The following NDUFA10 variants were observed in gnomAD, a reference collection of about 807,000 sequenced individuals.
NDUFA10 encodes the protein NADH:ubiquinone oxidoreductase subunit A10.
Under a neutral mutation model 47.8 loss-of-function variants are expected in NDUFA10, and 40 were observed. The observed-to-expected ratio is 0.84, with a 90% CI of 0.65 to 1.09. The LOEUF (loss-of-function observed/expected upper bound fraction) is 1.09. Ranked by LOEUF, NDUFA10 falls within the 50% of genes least tolerant of loss-of-function variation. The pLI is 0.00. For synonymous variants in NDUFA10, 183 were observed against 172.2 expected, an observed-to-expected ratio of 1.06 and a Z score of -0.49; for missense variants, 413 against 451.1, an observed-to-expected ratio of 0.92 and a Z score of 0.76.
At chr2:239,965,615 T>C (rs1210260507) in intron 9 of NDUFA10, among the ~76,000 whole-genome samples, 2 of 152,190 alleles carry the variant, frequency 1.3e-5, no homozygotes, top group Admixed American at 1.3e-4. Context: ...CCCATGTGTG[T>C]GGCTGTGCGT....
intron 6 of NDUFA10, 54 bp from the exon 7 acceptor site, chr2:240,007,424 A>G: frequency 8.1e-7 from 1 of 1,234,370 alleles, no homozygotes; most frequent in Non-Finnish European, 1.2e-6. Flanking sequence ...GCTGAAGTTA[A>G]ATGTACAAAT....
Position 239,928,212 on chromosome 2 carries a change from A to T in NDUFA10, c.295-32898T>A, listed in dbSNP as rs894470158. Among the ~76,000 whole-genome samples, 5 of 152,170 alleles carry T rather than the reference A, an allele frequency of 3.3e-5. No homozygotes were observed. Among genetic ancestry groups the T allele is most frequent in the Non-Finnish European group, 5.9e-5 (4 of 68,032 alleles). The stretch of plus-strand genomic sequence containing the variant: ...AAGAAGAAAACAAATGTAACAGAAA[A>T]AAAAAGGCAGGTACCAATGCCACTT... On this transcript the variant is annotated intron_variant, in intron 4 of 5. Transcript: ENST00000419408. This position sits in a 1 kb window ranked among gnomAD's most constrained non-coding sequence, Gnocchi z 4.3.
At chr2:240,009,394 G>A (rs947511109) in intron 6 of NDUFA10, among the ~76,000 whole-genome samples, 2 of 152,182 alleles carry the variant, frequency 1.3e-5, no homozygotes, top group Admixed American at 6.5e-5. Flanking sequence ...AAATGTTGGT[G>A]AAACTAAGTT....
downstream of NDUFA10, among the ~76,000 whole-genome samples, chr2:239,956,810 G>A (rs750158692): frequency 3.9e-5 from 6 of 152,190 alleles, no homozygotes; most frequent in South Asian, 2.1e-4. Flanking sequence ...ATGGTAGTCC[G>A]GCTCTCTACC....
In NDUFA10 at chr2:239,906,429, T is replaced by C. The variant is rs1259295481; in HGVS notation, c.295-11115A>G. Reference sequence around the variant, plus strand: ...CCCTTGAAATCAGAGCAACAAGGGCTCCTGAAGCACCCCAGGCCTTGAGAA... The same window carrying C: ...CCCTTGAAATCAGAGCAACAAGGGCCCCTGAAGCACCCCAGGCCTTGAGAA... On this transcript the variant is annotated intron_variant, in intron 4 of 5. Coordinates refer to the NDUFA10 transcript ENST00000419408. This position sits in a 1 kb window ranked among gnomAD's most constrained non-coding sequence, Gnocchi z 4.3. 6.6e-6 allele frequency among the ~76,000 whole-genome samples: 1 copy of C among 152,020 alleles called. No individual in the cohort carries two copies. Among genetic ancestry groups the C allele is most frequent in the Non-Finnish European group, 1.5e-5 (1 of 67,990 alleles).
chr2:239,935,011 C>T (rs1030752786), intron 4 of NDUFA10, among the ~76,000 whole-genome samples: 12 of 152,216 alleles, frequency 7.9e-5, no homozygotes, highest in Non-Finnish European at 1.3e-4. Flanking sequence ...ACCTCTGGCG[C>T]CCCTGGAATG....
At position 239,988,132 on chromosome 2, in the gene NDUFA10, C is replaced by G. The variant is rs963594036; in HGVS notation, c.999+1942G>C. Among the ~76,000 whole-genome samples the G allele has an allele frequency of 5.9e-4, 90 of 151,990 alleles. 1 individual carries two copies. Among genetic ancestry groups the G allele is most frequent in the Non-Finnish European group, 1.0e-4 (7 of 67,992 alleles). ...TTCAGAATAAAAAATTTAAAAATAACTGCAAATTACAAGGTATCCATATTG... is the reference window on the plus strand; with the variant it reads ...TTCAGAATAAAAAATTTAAAAATAAGTGCAAATTACAAGGTATCCATATTG... On this transcript the variant is annotated intron_variant, in intron 9 of 9. Coordinates refer to ENST00000252711, the MANE Select transcript of NDUFA10 (RefSeq NM_004544.4).
intron 4 of NDUFA10, among the ~76,000 whole-genome samples, chr2:239,919,534 AC>A (rs1168895066): frequency 6.6e-6 from 1 of 151,798 alleles, no homozygotes; most frequent in Non-Finnish European, 1.5e-5. Context: ...TGAAGGAATA[AC>A]CAAACGCAGC....
In NDUFA10 at chr2:239,908,102, A is replaced by G. The variant is rs531337955; in HGVS notation, c.295-12788T>C. ...ATGAGTTCATGTCCTTTGTAGGGAC[A>G]TGGATGAAGCTAGAAACCATCATTC... is the stretch of plus-strand genomic sequence containing the variant. On this transcript the variant is annotated intron_variant, in intron 4 of 5. Coordinates refer to the NDUFA10 transcript ENST00000419408. Among the ~76,000 whole-genome samples, 4 of 152,330 alleles carry G rather than the reference A, an allele frequency of 2.6e-5. No individual in the cohort carries two copies. The South Asian group carries it at 8.3e-4, about 32-fold the overall frequency.
At position 239,957,595 on chromosome 2, in the gene NDUFA10, T is replaced by G. The variant is rs1694692302; in HGVS notation, c.*3523A>C. 1 of 152,246 alleles carries G rather than the reference T, an allele frequency of 6.6e-6. No individual in the cohort carries two copies. The highest frequency in any genetic ancestry group is 1.5e-5 in the Non-Finnish European group (1 of 68,042). 9.4% of individuals were successfully genotyped at this position (152,246 alleles called of 1,614,324 possible). On this transcript the variant is annotated 3_prime_UTR_variant, in exon 10 of 10. Transcript: ENST00000252711. ...AAGCGAATGAGCAAACTTACTCACA[T>G]GCTTAAAGATAAAATTTGACAGTTT...
At chr2:239,922,379 A>G (rs1346364097) in intron 4 of NDUFA10, among the ~76,000 whole-genome samples, 1 of 152,184 alleles carries the variant, frequency 6.6e-6, no homozygotes, top group African/African-American at 2.4e-5. Context: ...CAAGGCAGGC[A>G]GTGAGCTGCA....
At chr2:239,907,582 G>A (rs1210751219) in intron 4 of NDUFA10, among the ~76,000 whole-genome samples, 4 of 152,194 alleles carry the variant, frequency 2.6e-5, no homozygotes, top group Non-Finnish European at 5.9e-5. Flanking sequence ...CAAAAAGTGG[G>A]CGAAGGATAT....
intron 4 of NDUFA10, among the ~76,000 whole-genome samples, chr2:239,912,068 G>A (rs973295836): frequency 2.0e-5 from 3 of 152,108 alleles, no homozygotes; most frequent in Non-Finnish European, 2.9e-5. Context: ...TACACCCCTC[G>A]TGCCCACAGA....
intron 8 of NDUFA10, among the ~76,000 whole-genome samples, chr2:240,000,203 A>G (rs1410829242): frequency 2.6e-5 from 4 of 152,230 alleles, no homozygotes; most frequent in Non-Finnish European, 5.9e-5. Flanking sequence ...AAGTAACTGT[A>G]CAACAGCCTC....
rs1559290872 is a variant in NDUFA10, at chr2:239,930,866, AGGGGGG to A, written c.295-35558_295-35553del. Among the ~76,000 whole-genome samples, 17 of 65,840 alleles carry A rather than the reference AGGGGGG, an allele frequency of 2.6e-4. 4 individuals carry two copies. The highest frequency in any genetic ancestry group is 1.2e-3 in the African/African-American group (16 of 12,910). The allele number at this position is 65,840 out of a possible 152,430, so 43.2% of individuals were successfully genotyped here. On this transcript the variant is annotated intron_variant, in intron 4 of 5. Coordinates refer to the NDUFA10 transcript ENST00000419408. ...GGTGGACGGGTACAGCATGCCCAGG[AGGGGGG>A]GCAGGGTCCAGGAGGGGTGTGGCAG... is the stretch of plus-strand genomic sequence containing the variant.
chr2:239,942,184 C>G (rs189747152), intron 4 of NDUFA10, among the ~76,000 whole-genome samples: 1 of 152,394 alleles, frequency 6.6e-6, no homozygotes, highest in Non-Finnish European at 1.5e-5. Context: ...CATCCCTCTA[C>G]CACGTTTACC....
At chr2:239,986,283 G>T (rs1695999572) in intron 9 of NDUFA10, among the ~76,000 whole-genome samples, 1 of 152,162 alleles carries the variant, frequency 6.6e-6, no homozygotes, top group Non-Finnish European at 1.5e-5. Flanking sequence ...AGTTCAAATG[G>T]AAAGCTGTTC....
rs1298145889 is a variant in NDUFA10, at chr2:239,938,690, G to A, written c.295-43376C>T. On this transcript the variant is annotated intron_variant, in intron 4 of 5. Coordinates refer to the NDUFA10 transcript ENST00000419408. ...CTGGGGGGCTGCAGGGTGGACTTGC[G>A]CAGATGCCGGCAGAGGGGACCTGTG... Among the ~76,000 whole-genome samples, 5 of 152,202 alleles carry A rather than the reference G, an allele frequency of 3.3e-5. No homozygotes were observed. The East Asian group carries it at 9.7e-4, about 30-fold the overall frequency.
intron 9 of NDUFA10, chr2:239,973,512 A>G (rs1278189743): frequency 4.2e-6 from 2 of 471,090 alleles, no homozygotes; most frequent in South Asian, 1.6e-5. Flanking sequence ...AGCAGGCGAG[A>G]AAACAGAAGA....
Sources: gnomAD v4.1 joint callset for allele counts (sites outside exome capture counted in the v4.1 genomes callset) on GRCh38, gnomAD v4.1.1 for gene constraint, Gnocchi (gnomAD v3.1) non-coding constraint, MANE v1.5 for transcripts, NCBI Gene and HGNC (gene_info 2026-07-23, HGNC 2026-07-21) for gene names.